PLB1: variants seen among roughly 807,000 people sequenced by gnomAD.
PLB1 encodes the protein phospholipase B1.
PLB1 carries 242 observed loss-of-function variants against 227.4 expected under a neutral mutation model. The observed-to-expected ratio is 1.06, with a 90% CI of 0.96 to 1.18. PLB1 has a LOEUF of 1.18. Ranked by LOEUF, PLB1 falls within the 50% of genes most tolerant of loss-of-function variation. PLB1 has a pLI of 0.00. For synonymous variants in PLB1, 757 were observed against 682.2 expected (o/e 1.11, Z -1.71); for missense variants, 1,858 against 1,816.3 (o/e 1.02, Z -0.42).
chr2:28,609,920 G>C (rs996183165), intron 43 of PLB1, among the ~76,000 whole-genome samples: 5 of 151,934 alleles, frequency 3.3e-5, no homozygotes, highest in Admixed American at 2.0e-4. Flanking sequence ...TACGTTAAAG[G>C]CTAACTAGTC....
intron 44 of PLB1, among the ~76,000 whole-genome samples, chr2:28,614,379 T>A: frequency 6.6e-6 from 1 of 152,198 alleles, no homozygotes; most frequent in East Asian, 1.9e-4. Flanking sequence ...TGGTTACTGC[T>A]TAGGCAGCTC....
In PLB1 at chr2:28,496,072, G is replaced by T; in HGVS notation, c.-43G>T. The T allele has an allele frequency of 6.3e-7, 1 of 1,591,554 alleles. No homozygotes were observed. The highest frequency in any genetic ancestry group is 1.1e-5 in the South Asian group (1 of 90,602). On this transcript the variant is annotated 5_prime_UTR_variant, in exon 1 of 58. Transcript: ENST00000327757. ...GGTGTGATAGCCCATCCATCTGCTG[G>T]AGCAGCTCTTCCAGAGGCCCGAGTC...
At chr2:28,552,825 A>C in intron 16 of PLB1, 103 bp from the exon 17 acceptor site, 1 of 904,198 alleles carries the variant, frequency 1.1e-6, no homozygotes, top group Non-Finnish European at 1.8e-6. Context: ...TCAAAGTTTT[A>C]CTTTATCTTA....
intron 12 of PLB1, among the ~76,000 whole-genome samples, chr2:28,541,077 G>A (rs965154155): frequency 2.0e-5 from 3 of 152,068 alleles, no homozygotes; most frequent in African/African-American, 2.4e-5. Flanking sequence ...AGGCTGAGGC[G>A]GGAGAAGTCG....
At chr2:28,611,615 C>G (rs1488720935) in intron 43 of PLB1, among the ~76,000 whole-genome samples, 1 of 152,194 alleles carries the variant, frequency 6.6e-6, no homozygotes, top group East Asian at 1.9e-4. Context: ...CATCCTGGCA[C>G]CTAGAAATGC....
chr2:28,606,621 G>T lies in PLB1; in HGVS notation c.3129+54G>T. The T allele has an allele frequency of 3.9e-6, 6 of 1,527,230 alleles. 1 individual carries two copies. In the South Asian group the frequency reaches 5.6e-5, roughly 14 times the overall value. The allele number at this position is 1,527,230 out of a possible 1,614,324, so 94.6% of individuals were successfully genotyped here. A position where few individuals can be genotyped will look rare whatever the true frequency, so the allele number is the denominator to read the frequency against. ...CTCCACAAACCAGGGCACACAGCTC[G>T]CCCTACCCACTTCGTCCTCCACCAC... On this transcript the variant is annotated intron_variant, in intron 43 of 57. Coordinates refer to ENST00000327757, the MANE Select transcript of PLB1 (RefSeq NM_153021.5).
intron 24 of PLB1, 134 bp downstream of exon 24, chr2:28,582,267 C>T: frequency 1.6e-6 from 2 of 1,216,876 alleles, no homozygotes; most frequent in Middle Eastern, 2.2e-4. Flanking sequence ...AGAGGGGGAG[C>T]AGGGACGGGT....
At chr2:28,587,558 C>T (rs1018217866) in intron 26 of PLB1, among the ~76,000 whole-genome samples, 2 of 151,696 alleles carry the variant, frequency 1.3e-5, no homozygotes, top group African/African-American at 4.8e-5. Context: ...TGCAGTGAGC[C>T]GAGATTGCAC....
rs1198841422 is a variant in PLB1, at chr2:28,606,024, C to A, written c.3057+76C>A. 1.3e-5 allele frequency: 16 copies of A among 1,195,928 alleles called. No individual in the cohort carries two copies. In the East Asian group the frequency reaches 2.1e-4, roughly 16 times the overall value. The allele number at this position is 1,195,928 out of a possible 1,614,324, so 74.1% of individuals were successfully genotyped here. ...GGCACCAGCCCCTATAGAATGGAGT[C>A]TTGCAAGTGAGGCTGAGGGGGCAGT... On this transcript the variant is annotated intron_variant, in intron 42 of 57. Transcript: ENST00000327757.
chr2:28,536,927 G>GACT (rs1671764271), intron 9 of PLB1, among the ~76,000 whole-genome samples: 2 of 152,150 alleles, frequency 1.3e-5, no homozygotes, highest in South Asian at 4.1e-4. Flanking sequence ...TCACACTCTA[G>GACT]AGAGAGCCAC....
At chr2:28,637,849 G>T (rs930196694) in intron 56 of PLB1, among the ~76,000 whole-genome samples, 20 of 152,132 alleles carry the variant, frequency 1.3e-4, no homozygotes, top group Non-Finnish European at 2.5e-4. Flanking sequence ...CAGGCCAGTG[G>T]CCCACCCAGG....
At chr2:28,501,548 A>G (rs1025473243) in intron 1 of PLB1, among the ~76,000 whole-genome samples, 2 of 152,158 alleles carry the variant, frequency 1.3e-5, no homozygotes, top group Non-Finnish European at 2.9e-5. Context: ...AAACATTAAC[A>G]TTGTTCAAAA....
chr2:28,603,929 G>A (rs1192131052), intron 39 of PLB1, 37 bp from the exon 40 acceptor site: 1 of 1,590,886 alleles, frequency 6.3e-7, no homozygotes, highest in Non-Finnish European at 8.6e-7. Flanking sequence ...ATGGAAGCCT[G>A]AGCTCTGGGG....
rs1673760865 is a variant in PLB1, at chr2:28,548,999, C to T, written c.1008+68C>T. 5 of 1,438,356 alleles carry T rather than the reference C, an allele frequency of 3.5e-6. No homozygotes were observed. In the African/African-American group the frequency reaches 5.6e-5, roughly 16 times the overall value. 89.1% of individuals were successfully genotyped at this position (1,438,356 alleles called of 1,614,324 possible). On this transcript the variant is annotated intron_variant, in intron 15 of 57. Transcript: ENST00000327757. The stretch of plus-strand genomic sequence containing the variant: ...GGCGCAGGTGGGGTGGCCAAGTGGG[C>T]TTTGCTGTGAAGTGGGTCTTACCTG...
intron 49 of PLB1, among the ~76,000 whole-genome samples, chr2:28,624,376 G>A (rs759751618): frequency 1.1e-4 from 17 of 150,694 alleles, no homozygotes; most frequent in African/African-American, 1.2e-4. Context: ...CATGTTATTC[G>A]GTATACCAAT....
At chr2:28,620,521 C>T (rs565635815) in intron 47 of PLB1, 79 bp from the exon 48 acceptor site, 39 of 1,511,270 alleles carry the variant, frequency 2.6e-5, no homozygotes, top group South Asian at 1.7e-4. Flanking sequence ...AACCCGGTTC[C>T]GGTTCTGGCT....
chr2:28,560,460 G>T (rs1675879188), intron 17 of PLB1, among the ~76,000 whole-genome samples: 1 of 152,126 alleles, frequency 6.6e-6, no homozygotes. Flanking sequence ...GTGTATGTGA[G>T]TAATTACATA....
At chr2:28,627,757 A>G (rs1395500731) in intron 51 of PLB1, among the ~76,000 whole-genome samples, 5 of 152,100 alleles carry the variant, frequency 3.3e-5, no homozygotes, top group African/African-American at 1.2e-4. Flanking sequence ...AGAAAAAATA[A>G]TGGGCTGCCT....
Position 28,632,982 on chromosome 2 carries a change from T to C in PLB1, c.4041T>C (p.Cys1347=). ...DTDLTFFSED[C]FHFSDRGHAE... ...ACCTCACCTTCTTCTCCGAGGACTG[T>C]TTTCACTTCTCAGACCGCGGGCATG... The change falls in exon 56 of 58, where the codon TGT becomes TGC. Residue 1347 remains cysteine (C), a synonymous_variant. Coordinates refer to ENST00000327757, the MANE Select transcript of PLB1 (RefSeq NM_153021.5). The C allele has an allele frequency of 1.2e-6, 2 of 1,614,018 alleles. No individual in the cohort carries two copies. Among genetic ancestry groups the C allele is most frequent in the Non-Finnish European group, 1.7e-6 (2 of 1,179,996 alleles).
Sources: gnomAD v4.1 joint callset for allele counts (sites outside exome capture counted in the v4.1 genomes callset) on GRCh38, gnomAD v4.1.1 for gene constraint, MANE v1.5 for transcripts, NCBI Gene and HGNC (gene_info 2026-07-23, HGNC 2026-07-21) for gene names.